The following EXOC4 variants were observed in gnomAD, a reference collection of about 807,000 sequenced individuals.
EXOC4 encodes SEC8-like 1.
EXOC4 carries 71 observed loss-of-function variants against 107.2 expected under a neutral mutation model. That is an observed-to-expected ratio of 0.66 (90% confidence interval 0.55 to 0.81). The LOEUF (loss-of-function observed/expected upper bound fraction) is 0.81. EXOC4 is among the 30% of genes least tolerant of loss of function. The pLI is 0.00. For missense variants in EXOC4, 1,108 were observed against 1,189.6 expected, an observed-to-expected ratio of 0.93 and a Z score of 1.01; for synonymous variants, 456 against 441.2, an observed-to-expected ratio of 1.03 and a Z score of -0.42.
the EXOC4 span, among the ~76,000 whole-genome samples, chr7:134,085,385 C>CA: frequency 4.0e-5 from 6 of 150,826 alleles, no homozygotes; most frequent in Non-Finnish European, 7.4e-5. Context: ...CAAAGGCTTG[C>CA]AAAAAATCCA....
intron 7 of EXOC4, among the ~76,000 whole-genome samples, chr7:133,472,452 G>C (rs1368479781): frequency 6.6e-6 from 1 of 152,168 alleles, no homozygotes; most frequent in African/African-American, 2.4e-5. Context: ...AACCTGGAAA[G>C]TAGTGAAAAT....
chr7:133,810,070 G>A lies in EXOC4; in HGVS notation c.1515-7255G>A, dbSNP rs2151205613. 1.4e-5 allele frequency among the ~76,000 whole-genome samples: 2 copies of A among 145,732 alleles called. 1 individual carries two copies. Among genetic ancestry groups the A allele is most frequent in the South Asian group, 4.8e-4 (2 of 4,174 alleles). ...TGATGTCCATTTTGTCCCATTATTA[G>A]TGATGCTGGCCGTCGAATTTTAAAA... On this transcript the variant is annotated intron_variant, in intron 10 of 17. Transcript: ENST00000253861.
intron 14 of EXOC4, among the ~76,000 whole-genome samples, chr7:133,994,554 G>A (rs889131542): frequency 6.6e-6 from 1 of 152,076 alleles, no homozygotes; most frequent in Non-Finnish European, 1.5e-5. Flanking sequence ...TTATGCAGTG[G>A]TCACAGGAGG....
At chr7:133,314,920 C>CT (rs1281566896) in intron 4 of EXOC4, 8 of 152,192 alleles carry the variant, frequency 5.3e-5, no homozygotes, top group South Asian at 2.1e-4. Context: ...AAACCTGTGT[C>CT]TTTTTTTACA....
chr7:133,977,333 G>A (rs187475385), intron 14 of EXOC4, among the ~76,000 whole-genome samples: 41 of 152,278 alleles, frequency 2.7e-4, no homozygotes, highest in Non-Finnish European at 5.0e-4. Context: ...AGGGCATCTT[G>A]TGTGTGTTAT....
Position 133,563,255 on chromosome 7 carries a change from G to A in EXOC4, c.1418-66790G>A, listed in dbSNP as rs118003013. Among the ~76,000 whole-genome samples the A allele has an allele frequency of 3.7e-3, 564 of 152,158 alleles. 2 individuals are homozygous for A. In the East Asian group the frequency reaches 0.038, roughly 10 times the overall value. ...GTTAGGTTTTTTTTTAATTATTAAA[G>A]TATCCCAAATAAAAATGGAATTTTA... is the stretch of plus-strand genomic sequence containing the variant. On this transcript the variant is annotated intron_variant, in intron 9 of 17. Coordinates refer to ENST00000253861, the MANE Select transcript of EXOC4 (RefSeq NM_021807.4).
At chr7:133,961,937 A>G (rs772727394) in intron 14 of EXOC4, among the ~76,000 whole-genome samples, 2 of 152,172 alleles carry the variant, frequency 1.3e-5, no homozygotes, top group African/African-American at 2.4e-5. Flanking sequence ...ACAGCAGCCT[A>G]TGGGGGAAGG....
intron 14 of EXOC4, among the ~76,000 whole-genome samples, chr7:133,951,467 C>T (rs1354718831): frequency 6.6e-6 from 1 of 152,186 alleles, no homozygotes; most frequent in Non-Finnish European, 1.5e-5. Context: ...CTCTTTTCCT[C>T]ATTCTTAGTC....
intron 9 of EXOC4, among the ~76,000 whole-genome samples, chr7:133,628,494 G>A (rs1278109490): frequency 5.9e-5 from 9 of 152,172 alleles, no homozygotes; most frequent in Non-Finnish European, 8.8e-5. Flanking sequence ...TCAGTCAGGC[G>A]TTATATCACT....
At chr7:133,876,490 C>T (rs779492643) in intron 11 of EXOC4, among the ~76,000 whole-genome samples, 4 of 152,062 alleles carry the variant, frequency 2.6e-5, no homozygotes, top group South Asian at 4.1e-4. Flanking sequence ...CACGCTTACT[C>T]ATCGTCTTCT....
intron 10 of EXOC4, among the ~76,000 whole-genome samples, chr7:133,713,092 G>A (rs1794928129): frequency 6.6e-6 from 1 of 152,080 alleles, no homozygotes; most frequent in Admixed American, 6.5e-5. Flanking sequence ...TTTTAATATG[G>A]CTAATTTTGT....
intron 7 of EXOC4, among the ~76,000 whole-genome samples, chr7:133,393,424 T>A (rs998613628): frequency 1.3e-5 from 2 of 152,206 alleles, no homozygotes; most frequent in African/African-American, 4.8e-5. Flanking sequence ...TTAATAAATA[T>A]GTTTTGAACA....
the EXOC4 span, among the ~76,000 whole-genome samples, chr7:134,076,851 T>C: frequency 6.6e-6 from 1 of 152,052 alleles, no homozygotes; most frequent in South Asian, 2.1e-4. Flanking sequence ...CTTACAATGG[T>C]TGGACGTAAA....
intron 11 of EXOC4, among the ~76,000 whole-genome samples, chr7:133,827,302 A>G (rs1398178827): frequency 2.6e-5 from 4 of 152,202 alleles, no homozygotes; most frequent in African/African-American, 7.2e-5. Context: ...GGCCCATTAT[A>G]TGATCAAATT....
At chr7:133,962,490 A>G (rs576656027) in intron 14 of EXOC4, among the ~76,000 whole-genome samples, 10 of 152,254 alleles carry the variant, frequency 6.6e-5, no homozygotes, top group East Asian at 5.8e-4. Flanking sequence ...TTGGGGCTAC[A>G]TAGCTTCAGC....
At chr7:134,051,129 A>G (rs1046806087) in intron 17 of EXOC4, among the ~76,000 whole-genome samples, 2 of 152,208 alleles carry the variant, frequency 1.3e-5, no homozygotes, top group African/African-American at 2.4e-5. Flanking sequence ...TAGGGAGGCC[A>G]CCTGACAAGG....
At chr7:133,679,651 C>T (rs752789651) in intron 10 of EXOC4, among the ~76,000 whole-genome samples, 36 of 152,254 alleles carry the variant, frequency 2.4e-4, no homozygotes, top group Middle Eastern at 3.4e-3. Flanking sequence ...ACTTGAATTC[C>T]ACCTTTTCCT....
intron 17 of EXOC4, among the ~76,000 whole-genome samples, chr7:134,010,807 CA>C (rs1794746130): frequency 6.6e-6 from 1 of 152,188 alleles, no homozygotes; most frequent in African/African-American, 2.4e-5. Context: ...CCTTCCTGGC[CA>C]GTGGAAAATA....
At chr7:133,720,469 G>A (rs1194798975) in intron 10 of EXOC4, among the ~76,000 whole-genome samples, 1 of 152,106 alleles carries the variant, frequency 6.6e-6, no homozygotes, top group Non-Finnish European at 1.5e-5. Context: ...AAACCATAAT[G>A]CACAAAACAG....
Sources: gnomAD v4.1 joint callset for allele counts (sites outside exome capture counted in the v4.1 genomes callset) on GRCh38, gnomAD v4.1.1 for gene constraint, MANE v1.5 for transcripts, NCBI Gene and HGNC (gene_info 2026-07-23, HGNC 2026-07-21) for gene names.